Variants in SLC35F4 observed in about 807,000 individuals in gnomAD.
SLC35F4 encodes the protein chromosome 14 open reading frame 36.
A neutral mutation model predicts 44.2 loss-of-function variants in SLC35F4; 24 were observed. The ratio of observed to expected loss-of-function variants is 0.54; its 90% CI spans 0.39 to 0.76. SLC35F4 has a LOEUF of 0.76. SLC35F4 is among the 30% of genes least tolerant of loss of function. The probability of loss-of-function intolerance (pLI) is 0.00; values close to 1 mark genes in which losing one functional copy is unlikely to be tolerated. For synonymous variants in SLC35F4, 238 were observed against 223.6 expected, an observed-to-expected ratio of 1.06 and a Z score of -0.57; for missense variants, 562 against 586.1, an observed-to-expected ratio of 0.96 and a Z score of 0.42.
At chr14:57,831,141 GAGGTGATTTTCGATT>G (rs1884330869) in intron 1 of SLC35F4, among the ~76,000 whole-genome samples, 1 of 152,158 alleles carries the variant, frequency 6.6e-6, no homozygotes, top group Non-Finnish European at 1.5e-5. Context: ...GCAGAGCAGG[GAGGTGATTTTCGATT>G]CCTCCCATTC....
intron 1 of SLC35F4, among the ~76,000 whole-genome samples, chr14:57,697,498 C>T (rs1279443521): frequency 2.6e-5 from 4 of 151,748 alleles, no homozygotes; most frequent in African/African-American, 4.8e-5. Context: ...CTCAGGAGTT[C>T]GAGACAAACC....
chr14:57,693,574 T>C lies in SLC35F4; in HGVS notation c.104-99450A>G, dbSNP rs2075294919. Among the ~76,000 whole-genome samples, 7 of 152,324 alleles carry C rather than the reference T, an allele frequency of 4.6e-5. No individual in the cohort carries two copies. In the South Asian group the frequency reaches 1.4e-3, roughly 32 times the overall value. On this transcript the variant is annotated intron_variant, in intron 1 of 7. Transcript: ENST00000556826. The stretch of plus-strand genomic sequence containing the variant: ...TATTTTGGCCCATCCCTTTGTTTCC[T>C]GTAAGGAATACTTTAAGTTAATCTA...
chr14:57,633,013 T>C (rs1254365716), intron 1 of SLC35F4, among the ~76,000 whole-genome samples: 1 of 152,152 alleles, frequency 6.6e-6, no homozygotes, highest in Non-Finnish European at 1.5e-5. Flanking sequence ...GATTGGCTTT[T>C]TTCACTTAGT....
intron 1 of SLC35F4, among the ~76,000 whole-genome samples, chr14:57,892,502 G>A (rs1241068697): frequency 6.6e-6 from 1 of 152,096 alleles, no homozygotes; most frequent in Non-Finnish European, 1.5e-5. Flanking sequence ...CTAAAATAAT[G>A]CCACTCTTTC....
chr14:57,811,056 C>G (rs1348141417), intron 1 of SLC35F4, among the ~76,000 whole-genome samples: 1 of 152,182 alleles, frequency 6.6e-6, no homozygotes. Context: ...TAACAGAGAC[C>G]TCTCTGGCAG....
At chr14:57,819,570 C>T (rs1419876100) in intron 1 of SLC35F4, among the ~76,000 whole-genome samples, 2 of 151,688 alleles carry the variant, frequency 1.3e-5, no homozygotes, top group East Asian at 3.9e-4. Flanking sequence ...CTTTGGGGGA[C>T]CTAGGCAGGC....
intron 1 of SLC35F4, among the ~76,000 whole-genome samples, chr14:57,724,502 C>T (rs1024091888): frequency 6.6e-6 from 1 of 152,148 alleles, no homozygotes; most frequent in Non-Finnish European, 1.5e-5. Context: ...ACCCATCAAG[C>T]CATAAAGTGG....
intron 1 of SLC35F4, among the ~76,000 whole-genome samples, chr14:57,671,985 C>G (rs1347279625): frequency 6.6e-6 from 1 of 152,058 alleles, no homozygotes; most frequent in Non-Finnish European, 1.5e-5. Flanking sequence ...CAATAAATCT[C>G]TTAAACTTGA....
chr14:57,669,757 A>C (rs943249170), intron 1 of SLC35F4, among the ~76,000 whole-genome samples: 4 of 151,998 alleles, frequency 2.6e-5, no homozygotes, highest in African/African-American at 9.7e-5. Flanking sequence ...GGATTTTTGC[A>C]TCAATGTTCA....
At chr14:57,963,409 G>A (rs896260903) in intron 1 of SLC35F4, among the ~76,000 whole-genome samples, 1 of 152,168 alleles carries the variant, frequency 6.6e-6, no homozygotes, top group Non-Finnish European at 1.5e-5. Flanking sequence ...GGAGCTTGTT[G>A]CTCACATCTT....
At chr14:57,955,004 G>C (rs774801795) in intron 1 of SLC35F4, among the ~76,000 whole-genome samples, 65 of 146,718 alleles carry the variant, frequency 4.4e-4, no homozygotes, top group Non-Finnish European at 3.9e-4. Flanking sequence ...GAAAATTTCA[G>C]GCCAATATCC....
intron 1 of SLC35F4, among the ~76,000 whole-genome samples, chr14:57,698,760 C>T (rs990964822): frequency 2.6e-5 from 4 of 151,778 alleles, no homozygotes; most frequent in Admixed American, 6.6e-5. Flanking sequence ...GCCTCAGCCT[C>T]TAAAGTAGCT....
At chr14:57,720,307 C>A (rs2076051877) in intron 1 of SLC35F4, among the ~76,000 whole-genome samples, 1 of 151,794 alleles carries the variant, frequency 6.6e-6, no homozygotes, top group Non-Finnish European at 1.5e-5. Flanking sequence ...TTTTAACGTG[C>A]CTTTGTCTGA....
intron 1 of SLC35F4, among the ~76,000 whole-genome samples, chr14:57,936,441 G>A (rs938621762): frequency 2.6e-5 from 4 of 152,178 alleles, no homozygotes; most frequent in Non-Finnish European, 5.9e-5. Context: ...GACTGGCAGC[G>A]CCACTGGTTC....
chr14:57,723,425 G>A (rs2076132236), intron 1 of SLC35F4, among the ~76,000 whole-genome samples: 1 of 152,182 alleles, frequency 6.6e-6, no homozygotes, highest in African/African-American at 2.4e-5. Flanking sequence ...GAAAGATGCA[G>A]GGGTGGTGAT....
upstream of SLC35F4, among the ~76,000 whole-genome samples, chr14:57,870,096 T>C (rs1424302171): frequency 2.6e-5 from 4 of 151,950 alleles, no homozygotes; most frequent in Non-Finnish European, 5.9e-5. Context: ...TCAACATATA[T>C]ATTCAAATTT....
chr14:57,976,428 TAA>T (rs1296613818), downstream of SLC35F4, among the ~76,000 whole-genome samples: 5 of 152,204 alleles, frequency 3.3e-5, no homozygotes, highest in Non-Finnish European at 7.3e-5. Flanking sequence ...TATGAAGTAA[TAA>T]GAGTCATTGT....
At chr14:57,616,524 G>T (rs776253329) in intron 1 of SLC35F4, among the ~76,000 whole-genome samples, 2 of 152,170 alleles carry the variant, frequency 1.3e-5, no homozygotes, top group African/African-American at 2.4e-5. Flanking sequence ...ATTCCCCAAA[G>T]AGACTGACAA....
intron 1 of SLC35F4, among the ~76,000 whole-genome samples, chr14:57,811,746 A>G (rs1881992266): frequency 6.6e-6 from 1 of 152,242 alleles, no homozygotes; most frequent in African/African-American, 2.4e-5. Context: ...TTAACTCTGC[A>G]GTAAACGTTC....
Sources: gnomAD v4.1 joint callset for allele counts (sites outside exome capture counted in the v4.1 genomes callset) on GRCh38, gnomAD v4.1.1 for gene constraint, MANE v1.5 for transcripts, NCBI Gene and HGNC (gene_info 2026-07-23, HGNC 2026-07-21) for gene names.